The following RGS14 variants were observed in gnomAD, a reference collection of about 807,000 sequenced individuals.
RGS14 encodes the protein regulator of G-protein signaling 14.
RGS14 carries 33 observed loss-of-function variants against 63.8 expected under a neutral mutation model. That is an observed-to-expected ratio of 0.52 (90% CI 0.39 to 0.69). RGS14 has a LOEUF of 0.69. Ranked by LOEUF, RGS14 falls within the 30% of genes least tolerant of loss-of-function variation. The pLI, the probability that RGS14 is intolerant of heterozygous loss-of-function variation, is 0.00. For missense variants in RGS14, 739 were observed against 742.9 expected (o/e 0.99, Z 0.06); for synonymous variants, 296 against 320.9 (o/e 0.92, Z 0.83).
chr5:177,368,571 T>A, intron 8 of RGS14, 146 bp from the exon 9 acceptor site: 1 of 809,284 alleles, frequency 1.2e-6, no homozygotes, highest in East Asian at 2.7e-5. Flanking sequence ...TGTGCATACA[T>A]GTGTTCCTGC....
Position 177,361,937 on chromosome 5 carries a change from A to G in RGS14, c.45+3868A>G, listed in dbSNP as rs1761974487. 2.6e-5 allele frequency among the ~76,000 whole-genome samples: 4 copies of G among 152,210 alleles called. No individual in the cohort carries two copies. The Middle Eastern group carries it at 0.01, about 388-fold the overall frequency. On this transcript the variant is annotated intron_variant, in intron 1 of 14. Transcript: ENST00000408923. ...AAGCAGGGGAGGCCAGCCCTGCTCA[A>G]CACAACTTCCCCAGGCCCTGCAGTG...
rs759752898 is a variant in RGS14, at chr5:177,366,663, T to C, written c.247-45T>C. The C allele has an allele frequency of 8.9e-6, 14 of 1,580,700 alleles. No individual in the cohort carries two copies. In the East Asian group the frequency reaches 3.1e-4, roughly 35 times the overall value. ...TGATCACATCCCCCAGTTTGGTCTC[T>C]GTGTCTCTGAGTCTCTGCCTGCCTC... On this transcript the variant is annotated intron_variant, in intron 3 of 14. Coordinates refer to ENST00000408923, the MANE Select transcript of RGS14 (RefSeq NM_006480.5).
In RGS14 at chr5:177,367,059, C is replaced by A. The variant is rs180829045; in HGVS notation, c.483+25C>A. 2.3e-5 allele frequency: 36 copies of A among 1,586,540 alleles called. No individual in the cohort carries two copies. In the African/African-American group the frequency reaches 3.6e-4, roughly 16 times the overall value. On this transcript the variant is annotated intron_variant, in intron 5 of 14. Transcript: ENST00000408923. ...GGTGGGCGATCCTGGGGGGATTGGC[C>A]TTGAAAGGGAGACAAAAGGAGCAGG... is the stretch of plus-strand genomic sequence containing the variant.
Position 177,358,092 on chromosome 5 carries a change from G to C in RGS14, c.45+23G>C, listed in dbSNP as rs1339263350. 3.7e-6 allele frequency: 5 copies of C among 1,339,850 alleles called. No homozygotes were observed. The African/African-American group carries it at 4.6e-5, about 12-fold the overall frequency. 83.0% of individuals were successfully genotyped at this position (1,339,850 alleles called of 1,614,324 possible). A position where few individuals can be genotyped will look rare whatever the true frequency, so the allele number is the denominator to read the frequency against. ...ATGGTGAGTGTGGGCTCCGGGCCAG[G>C]GCCACGAGGAGGGGGTGGGCACACC... On this transcript the variant is annotated intron_variant, in intron 1 of 14. Transcript: ENST00000408923. This position sits in a 1 kb window ranked among gnomAD's most constrained non-coding sequence, Gnocchi z 4.8.
chr5:177,372,497 A>C lies in RGS14; in HGVS notation c.*422A>C. On this transcript the variant is annotated 3_prime_UTR_variant, in exon 15 of 15. Transcript: ENST00000408923. ...GCAGGCAGCCCTGTACCCCACCCAC[A>C]TAGACTATACTGTACATACAGATTT... 5.3e-6 allele frequency: 1 copy of C among 187,292 alleles called. No individual in the cohort carries two copies. The highest frequency in any genetic ancestry group is 1.1e-5 in the Non-Finnish European group (1 of 90,254). The allele number at this position is 187,292 out of a possible 1,614,324, so 11.6% of individuals were successfully genotyped here.
At chr5:177,370,457 C>A in intron 9 of RGS14, 134 bp from the exon 10 acceptor site, 2 of 772,112 alleles carry the variant, frequency 2.6e-6, no homozygotes, top group African/African-American at 1.7e-5. Flanking sequence ...TCCCCTACAG[C>A]TCTTCCACCC....
At chr5:177,366,416 C>T (rs1762094333) in intron 3 of RGS14, 61 bp downstream of exon 3, 1 of 1,430,328 alleles carries the variant, frequency 7.0e-7, no homozygotes, top group Admixed American at 2.4e-5. Context: ...GTGGATGGAG[C>T]TTCAGGCTGG....
At position 177,359,627 on chromosome 5, in the gene RGS14, C is replaced by T. The variant is rs115125022; in HGVS notation, c.45+1558C>T. Among the ~76,000 whole-genome samples the T allele has an allele frequency of 2.2e-3, 330 of 152,362 alleles. No homozygotes were observed. Among genetic ancestry groups the T allele is most frequent in the African/African-American group, 7.5e-3 (312 of 41,588 alleles). On this transcript the variant is annotated intron_variant, in intron 1 of 14. Coordinates refer to ENST00000408923, the MANE Select transcript of RGS14 (RefSeq NM_006480.5). This position sits in a 1 kb window ranked among gnomAD's most constrained non-coding sequence, Gnocchi z 4.4. ...AGTTCCATCAAGCCCACAGACGCCCCGGCTCCTCTCAGAACTGTCACACAC... is the reference window on the plus strand; with the variant it reads ...AGTTCCATCAAGCCCACAGACGCCCTGGCTCCTCTCAGAACTGTCACACAC...
chr5:177,362,892 C>A (rs1762000117), intron 1 of RGS14, among the ~76,000 whole-genome samples: 1 of 152,166 alleles, frequency 6.6e-6, no homozygotes, highest in Non-Finnish European at 1.5e-5. Flanking sequence ...GAGGGCCAAA[C>A]AAAATTGAAG....
intron 1 of RGS14, 151 bp from the exon 2 acceptor site, chr5:177,365,812 C>T (rs984415090): frequency 2.6e-6 from 2 of 773,998 alleles, no homozygotes; most frequent in African/African-American, 1.7e-5. Flanking sequence ...GAGCCAGGGG[C>T]AGACTGAGGA....
Position 177,364,974 on chromosome 5 carries a change from C to G in RGS14, c.46-989C>G, listed in dbSNP as rs996116377. Among the ~76,000 whole-genome samples the G allele has an allele frequency of 2.0e-5, 3 of 152,152 alleles. No homozygotes were observed. Among genetic ancestry groups the G allele is most frequent in the Non-Finnish European group, 4.4e-5 (3 of 68,026 alleles). On this transcript the variant is annotated intron_variant, in intron 1 of 14. Coordinates refer to ENST00000408923, the MANE Select transcript of RGS14 (RefSeq NM_006480.5). The surrounding 1 kb of genome is among the most constrained non-coding windows in gnomAD (Gnocchi z 4.6). ...CCTGAATCTCCAGAGGTGGGGTCCT[C>G]CCACTCTGCACTGAAGTTTGAGAAC...
Position 177,371,192 on chromosome 5 carries a change from G to A in RGS14, c.1282G>A (p.Gly428Arg), listed in dbSNP as rs199570345. The part of the protein sequence containing the change: ...RPGEKQPLDL[G>R]KLVSSVAAQR... ...AGGCGAGAAACAGCCTCTGGATCTG[G>A]GGAAGCTAGTGAGCTCGGTGGCGGC... is the stretch of plus-strand genomic sequence containing the variant. The change falls in exon 12 of 15, where the codon GGG becomes AGG. Residue 428 changes from glycine (G) to arginine (R), a missense_variant. Physicochemically the swap from Gly to Arg is moderately radical, Grantham distance 125 (BLOSUM62 -2). Coordinates refer to ENST00000408923, the MANE Select transcript of RGS14 (RefSeq NM_006480.5). The surrounding 1 kb of genome is among the most constrained non-coding windows in gnomAD (Gnocchi z 6.1). The A allele has an allele frequency of 5.6e-6, 9 of 1,613,514 alleles. No homozygotes were observed. In the Admixed American group the frequency reaches 8.3e-5, roughly 15 times the overall value.
chr5:177,370,926 G>A lies in RGS14; in HGVS notation c.1149G>A (p.Glu383=). 1.2e-6 allele frequency: 2 copies of A among 1,606,856 alleles called. No individual in the cohort carries two copies. Among genetic ancestry groups the A allele is most frequent in the East Asian group, 2.2e-5 (1 of 44,858 alleles). ...ITFELELTAL[E]RVVRISAKPT... ...GCAGGCTGGAGCTGACGGCGCTGGAGCGCGTGGTACGAATCTCAGCCAAGC... is the reference window on the plus strand; with the variant it reads ...GCAGGCTGGAGCTGACGGCGCTGGAACGCGTGGTACGAATCTCAGCCAAGC... The change falls in exon 11 of 15, where the codon GAG becomes GAA. Residue 383 remains glutamate (E), a synonymous_variant. Coordinates refer to ENST00000408923, the MANE Select transcript of RGS14 (RefSeq NM_006480.5).
In RGS14 at chr5:177,368,196, C is replaced by T. The variant is rs576366369; in HGVS notation, c.779C>T (p.Ser260Phe). 14 of 1,614,020 alleles carry T rather than the reference C, an allele frequency of 8.7e-6. No homozygotes were observed. The East Asian group carries it at 2.9e-4, about 33-fold the overall frequency. ...GCAAACGCCGCCTTGCGCCGAGAGT[C>T]TCAGGGCTCCCTCAACTCCTCCGCC... The part of the protein sequence containing the change: ...GTANAALRRE[S>F]QGSLNSSASL... Residue 260 changes from serine to phenylalanine, a missense_variant, in exon 8 of 15, where the codon TCT (serine) becomes TTT (phenylalanine). By Grantham distance (155) the Ser-to-Phe change is radical (BLOSUM62 -2). Coordinates refer to ENST00000408923, the MANE Select transcript of RGS14 (RefSeq NM_006480.5).
chr5:177,359,018 G>C lies in RGS14; in HGVS notation c.45+949G>C, dbSNP rs142484645. 9.8e-5 allele frequency among the ~76,000 whole-genome samples: 15 copies of C among 152,296 alleles called. No homozygotes were observed. Among genetic ancestry groups the C allele is most frequent in the African/African-American group, 3.6e-4 (15 of 41,552 alleles). ...TGAGGAGGTTGGAATGAATTTCAAG[G>C]CTTGTTGAGATGATAGAGTGAAATA... On this transcript the variant is annotated intron_variant, in intron 1 of 14. Coordinates refer to ENST00000408923, the MANE Select transcript of RGS14 (RefSeq NM_006480.5). This position sits in a 1 kb window ranked among gnomAD's most constrained non-coding sequence, Gnocchi z 4.4.
chr5:177,362,450 C>A (rs1449777911), intron 1 of RGS14, among the ~76,000 whole-genome samples: 2 of 152,106 alleles, frequency 1.3e-5, no homozygotes, highest in Non-Finnish European at 2.9e-5. Context: ...CCAGGGGTGA[C>A]CAGACTGGCA....
Position 177,358,116 on chromosome 5 carries a change from C to G in RGS14, c.45+47C>G. 4 of 1,299,394 alleles carry G rather than the reference C, an allele frequency of 3.1e-6. No individual in the cohort carries two copies. The highest frequency in any genetic ancestry group is 4.0e-6 in the Non-Finnish European group (4 of 1,012,094). 80.5% of individuals were successfully genotyped at this position (1,299,394 alleles called of 1,614,324 possible). ...GGGCCACGAGGAGGGGGTGGGCACA[C>G]CCAGGGTGGAGCCCAGGAGGCACAC... On this transcript the variant is annotated intron_variant, in intron 1 of 14. Coordinates refer to ENST00000408923, the MANE Select transcript of RGS14 (RefSeq NM_006480.5). The surrounding 1 kb of genome is among the most constrained non-coding windows in gnomAD (Gnocchi z 4.8).
intron 9 of RGS14, chr5:177,369,161 G>A: frequency 1.8e-6 from 1 of 550,908 alleles, no homozygotes; most frequent in South Asian, 2.0e-5. Flanking sequence ...AAACTGGAGA[G>A]AACCACTGTT....
rs1232123510 is a variant in RGS14, at chr5:177,364,255, A to G, written c.46-1708A>G. 3.9e-5 allele frequency among the ~76,000 whole-genome samples: 6 copies of G among 152,128 alleles called. No homozygotes were observed. Among genetic ancestry groups the G allele is most frequent in the African/African-American group, 1.4e-4 (6 of 41,416 alleles). ...GGGATGGGAATAAGGGGCTGGTGGT[A>G]GGAACTTCTGTGACAGGGCATGGTG... On this transcript the variant is annotated intron_variant, in intron 1 of 14. Transcript: ENST00000408923. The surrounding 1 kb of genome is among the most constrained non-coding windows in gnomAD (Gnocchi z 4.6).
Sources: allele counts gnomAD v4.1 joint callset (sites outside exome capture counted in the v4.1 genomes callset), GRCh38; gene constraint gnomAD v4.1.1; non-coding constraint Gnocchi (gnomAD v3.1); transcripts MANE v1.5; gene names NCBI Gene and HGNC (gene_info 2026-07-23, HGNC 2026-07-21).